Variants in SCHIP1 observed in about 807,000 individuals in gnomAD.
SCHIP1 encodes the protein schwannomin interacting protein 1.
SCHIP1 carries 8 observed loss-of-function variants against 29.7 expected under a neutral mutation model. That is an observed-to-expected ratio of 0.27 (90% CI 0.16 to 0.49). The LOEUF is 0.49. Ranked by LOEUF, SCHIP1 falls within the 20% of genes least tolerant of loss-of-function variation. The probability of loss-of-function intolerance (pLI) is 0.99; values close to 1 mark genes in which losing one functional copy is unlikely to be tolerated. For synonymous variants in SCHIP1, 76 were observed against 94.9 expected, an observed-to-expected ratio of 0.80 and a Z score of 1.16; for missense variants, 193 against 294.6, an observed-to-expected ratio of 0.66 and a Z score of 2.52.
the SCHIP1 span, among the ~76,000 whole-genome samples, chr3:159,670,179 C>T: frequency 1.3e-5 from 2 of 152,268 alleles, no homozygotes; most frequent in East Asian, 1.9e-4. Flanking sequence ...GTTTGCTTTT[C>T]GGCTGGATTA....
chr3:159,281,014 G>A, the SCHIP1 span, among the ~76,000 whole-genome samples: 1 of 152,224 alleles, frequency 6.6e-6, no homozygotes, highest in Non-Finnish European at 1.5e-5. Flanking sequence ...TATGTGACAT[G>A]TGGGGCAATC....
At chr3:159,828,683 A>ATTT in the SCHIP1 span, among the ~76,000 whole-genome samples, 2 of 151,918 alleles carry the variant, frequency 1.3e-5, no homozygotes, top group African/African-American at 4.8e-5. Flanking sequence ...CCAGTACTCT[A>ATTT]TTAACCTGGT....
At chr3:159,830,600 T>C in the SCHIP1 span, among the ~76,000 whole-genome samples, 1 of 152,320 alleles carries the variant, frequency 6.6e-6, no homozygotes, top group South Asian at 2.1e-4. Flanking sequence ...TTATAACCTG[T>C]CTCATTTTTA....
the SCHIP1 span, among the ~76,000 whole-genome samples, chr3:159,755,351 G>A: frequency 1.3e-5 from 2 of 152,206 alleles, no homozygotes; most frequent in African/African-American, 4.8e-5. Flanking sequence ...ATGGATGGCA[G>A]CAGGCAAAAA....
the SCHIP1 span, among the ~76,000 whole-genome samples, chr3:159,486,116 A>G: frequency 1.3e-5 from 2 of 152,178 alleles, no homozygotes; most frequent in Non-Finnish European, 2.9e-5. Context: ...TAACACATCC[A>G]TCTCTTTATA....
intron 1 of SCHIP1, among the ~76,000 whole-genome samples, chr3:159,862,117 G>T (rs1424290278): frequency 6.6e-6 from 1 of 152,190 alleles, no homozygotes; most frequent in Non-Finnish European, 1.5e-5. Flanking sequence ...TTATGATTTA[G>T]CCCATAGTAT....
the SCHIP1 span, among the ~76,000 whole-genome samples, chr3:159,539,766 A>T: frequency 7.4e-6 from 1 of 135,436 alleles, no homozygotes; most frequent in African/African-American, 2.5e-5. Flanking sequence ...CCCCCATTTT[A>T]AGCTAATAAA....
At chr3:159,784,243 TGTC>T in the SCHIP1 span, among the ~76,000 whole-genome samples, 11 of 152,242 alleles carry the variant, frequency 7.2e-5, 1 homozygote, top group Admixed American at 6.5e-4. Flanking sequence ...TTCTGCCACA[TGTC>T]ATCCCGTTGA....
chr3:159,811,856 C>T, the SCHIP1 span, among the ~76,000 whole-genome samples: 2 of 152,000 alleles, frequency 1.3e-5, no homozygotes, highest in African/African-American at 4.8e-5. Context: ...TATGTTGAAT[C>T]TATAGATCAC....
At chr3:159,708,510 A>G in the SCHIP1 span, among the ~76,000 whole-genome samples, 7 of 152,230 alleles carry the variant, frequency 4.6e-5, no homozygotes, top group Admixed American at 2.0e-4. Context: ...AATAGGCACG[A>G]ATGAAAGTTT....
the SCHIP1 span, among the ~76,000 whole-genome samples, chr3:159,653,004 C>T: frequency 3.5e-4 from 53 of 151,606 alleles, 1 homozygote; most frequent in African/African-American, 1.2e-3. Flanking sequence ...TCGACAGAGG[C>T]CAGGGCAGGT....
At chr3:159,306,355 A>G in the SCHIP1 span, among the ~76,000 whole-genome samples, 2 of 75,960 alleles carry the variant, frequency 2.6e-5, no homozygotes, top group South Asian at 3.4e-4. Context: ...AAATTTAACA[A>G]TCACAAGACT....
the SCHIP1 span, among the ~76,000 whole-genome samples, chr3:159,495,872 A>T: frequency 0.026 from 3,907 of 152,334 alleles, 173 homozygotes; most frequent in African/African-American, 0.089. Context: ...GGCTACAGTA[A>T]CCAAACCAGC....
chr3:159,308,346 C>T, the SCHIP1 span, among the ~76,000 whole-genome samples: 9 of 152,090 alleles, frequency 5.9e-5, no homozygotes, highest in East Asian at 1.7e-3. Context: ...ATCAAATAAC[C>T]CCATCAAAAT....
the SCHIP1 span, among the ~76,000 whole-genome samples, chr3:159,380,470 G>T: frequency 6.6e-6 from 1 of 152,006 alleles, no homozygotes; most frequent in East Asian, 1.9e-4. Flanking sequence ...ATTTCTTTTC[G>T]TAAAAAATAA....
the SCHIP1 span, among the ~76,000 whole-genome samples, chr3:159,571,986 T>C: frequency 1.3e-5 from 2 of 152,206 alleles, no homozygotes; most frequent in Admixed American, 1.3e-4. Flanking sequence ...CCTTTATCAT[T>C]TTTTATTGCG....
At chr3:159,278,631 A>T in the SCHIP1 span, among the ~76,000 whole-genome samples, 1 of 152,110 alleles carries the variant, frequency 6.6e-6, no homozygotes, top group South Asian at 2.1e-4. Context: ...TCCAATTGTC[A>T]TCTATTCTTT....
At chr3:159,428,241 C>T in the SCHIP1 span, among the ~76,000 whole-genome samples, 6 of 152,232 alleles carry the variant, frequency 3.9e-5, no homozygotes, top group East Asian at 1.9e-4. Flanking sequence ...AAGAAGCTAC[C>T]GTCAGAGTGA....
At chr3:159,630,628 CTATGAGGA>C in the SCHIP1 span, among the ~76,000 whole-genome samples, 1 of 112,896 alleles carries the variant, frequency 8.9e-6, no homozygotes, top group African/African-American at 1.1e-4. Flanking sequence ...TGGAGCTAAG[CTATGAGGA>C]CACAAACATT....
Sources: allele counts gnomAD v4.1 joint callset (sites outside exome capture counted in the v4.1 genomes callset), GRCh38; gene constraint gnomAD v4.1.1; transcripts MANE v1.5; gene names NCBI Gene and HGNC (gene_info 2026-07-23, HGNC 2026-07-21).